The following GPBAR1 variants were observed in gnomAD, a reference collection of about 807,000 sequenced individuals.
GPBAR1 encodes the protein G protein-coupled bile acid receptor 1, also known as G-protein coupled bile acid receptor 1.
Under a neutral mutation model 13.0 loss-of-function variants are expected in GPBAR1, and 13 were observed. That is an observed-to-expected ratio of 1.00 (90% confidence interval 0.65 to 1.59). The LOEUF is 1.59. Among genes scored for constraint, GPBAR1 ranks in the 40% most tolerant of loss-of-function variants. GPBAR1 has a pLI of 0.00. For synonymous variants in GPBAR1, 193 were observed against 205.2 expected (o/e 0.94, Z 0.51); for missense variants, 398 against 436.4 (o/e 0.91, Z 0.78).
Position 218,263,211 on chromosome 2 carries a change from G to GC in GPBAR1, c.492dup (p.Tyr165LeufsTer46), listed in dbSNP as rs1289690781. 1 of 1,608,846 alleles carries GC rather than the reference G, an allele frequency of 6.2e-7. No individual in the cohort carries two copies. The highest frequency in any genetic ancestry group is 8.5e-7 in the Non-Finnish European group (1 of 1,179,836). ...CTGCAGCTCCCAGGCTATCTTCCCA[G>GC]CCCCCTACCTGTACCTCGAAGTCTA... is the stretch of plus-strand genomic sequence containing the variant. On this transcript the variant is annotated frameshift_variant, in exon 2 of 2. Coordinates refer to ENST00000519574, the MANE Select transcript of GPBAR1 (RefSeq NM_170699.3). LOFTEE classifies it high-confidence loss of function. The surrounding 1 kb of genome is among the most constrained non-coding windows in gnomAD (Gnocchi z 4.2).
At chr2:218,259,869 C>T (rs1195459509), upstream of GPBAR1, 1 of 152,292 alleles carries the variant, frequency 6.6e-6, no homozygotes, top group Non-Finnish European at 1.5e-5. Context: ...TCTCCTCCCC[C>T]TCACTCCAAA....
Position 218,263,714 on chromosome 2 carries a change from C to T in GPBAR1, c.990C>T (p.Asn330=). ...AAAGCAGTGTCGACCTGGACTTGAA[C>T]TAAAGGAAGGGCCTCTGCTGACTCC... ...SSQSSVDLDL[N] The change falls in exon 2 of 2, where the codon AAC becomes AAT. Residue 330 remains asparagine (N), a synonymous_variant. Transcript: ENST00000519574. This position sits in a 1 kb window ranked among gnomAD's most constrained non-coding sequence, Gnocchi z 4.2. 1 of 1,612,968 alleles carries T rather than the reference C, an allele frequency of 6.2e-7. No homozygotes were observed. Among genetic ancestry groups the T allele is most frequent in the Non-Finnish European group, 8.5e-7 (1 of 1,179,888 alleles).
rs200096596 is a variant in GPBAR1, at chr2:218,263,229, G to A, written c.505G>A (p.Glu169Lys). The change falls in exon 2 of 2, where the codon GAA becomes AAA. Residue 169 changes from glutamate (E) to lysine (K), a missense_variant. By Grantham distance (56) the Glu-to-Lys change is moderately conservative. Transcript: ENST00000519574. The surrounding 1 kb of genome is among the most constrained non-coding windows in gnomAD (Gnocchi z 4.2). ...CTTCCCAGCCCCCTACCTGTACCTC[G>A]AAGTCTATGGGCTCCTGCTGCCCGC... ...AIFPAPYLYL[E>K]VYGLLLPAVG... The A allele has an allele frequency of 5.7e-4, 917 of 1,608,126 alleles. 12 individuals carry two copies. In the South Asian group the frequency reaches 9.3e-3, roughly 16 times the overall value.
rs1238983352 is a variant in GPBAR1, at chr2:218,263,064, G to A, written c.340G>A (p.Val114Ile). 4 of 1,613,530 alleles carry A rather than the reference G, an allele frequency of 2.5e-6. No individual in the cohort carries two copies. The highest frequency in any genetic ancestry group is 1.3e-5 in the African/African-American group (1 of 74,886). The change falls in exon 2 of 2, where the codon GTC (valine) becomes ATC (isoleucine). Residue 114 changes from valine to isoleucine, a missense_variant. Transcript: ENST00000519574. This position sits in a 1 kb window ranked among gnomAD's most constrained non-coding sequence, Gnocchi z 4.2. ...GGTGCACGGGGAGCGCTACATGGCA[G>A]TCCTGAGGCCACTCCAGCCCCCTGG... ...LLVHGERYMA[V>I]LRPLQPPGSI...
Position 218,262,781 on chromosome 2 carries a change from G to A in GPBAR1, c.57G>A (p.Gly19=). Residue 19 remains glycine, a synonymous_variant, in exon 2 of 2, where the codon GGG becomes GGA. Transcript: ENST00000519574. The surrounding 1 kb of genome is among the most constrained non-coding windows in gnomAD (Gnocchi z 5.1). ...VPSPIPKGAL[G]LSLALASLII... is the part of the protein sequence containing the mutation. ...GCCCCATTCCCAAGGGGGCTTTGGG[G>A]CTCTCCCTGGCCCTGGCAAGCCTCA... is the stretch of plus-strand genomic sequence containing the variant. 1 of 1,610,862 alleles carries A rather than the reference G, an allele frequency of 6.2e-7. No homozygotes were observed. The highest frequency in any genetic ancestry group is 8.5e-7 in the Non-Finnish European group (1 of 1,178,528).
At position 218,262,371 on chromosome 2, in the gene GPBAR1, C is replaced by A; in HGVS notation, c.-45-309C>A. 1 of 250,620 alleles carries A rather than the reference C, an allele frequency of 4.0e-6. No homozygotes were observed. The highest frequency in any genetic ancestry group is 7.7e-6 in the Non-Finnish European group (1 of 129,508). 15.5% of individuals were successfully genotyped at this position (250,620 alleles called of 1,614,324 possible). ...AAACAAGAGACCTCAACACAGCTGC[C>A]CAGAAAAGGCAGATACCAGAAATGG... On this transcript the variant is annotated intron_variant, in intron 1 of 1. Transcript: ENST00000519574. This position sits in a 1 kb window ranked among gnomAD's most constrained non-coding sequence, Gnocchi z 5.1.
In GPBAR1 at chr2:218,262,586, AGCCTGCGGGTCTGC is replaced by A; in HGVS notation, c.-45-90_-45-77del. ...TATCAGCGAACATGATACAGCCCAC[AGCCTGCGGGTCTGC>A]GCCCCTGGATTAACATGCTGCCCTG... On this transcript the variant is annotated intron_variant, in intron 1 of 1. Coordinates refer to ENST00000519574, the MANE Select transcript of GPBAR1 (RefSeq NM_170699.3). The surrounding 1 kb of genome is among the most constrained non-coding windows in gnomAD (Gnocchi z 5.1). 1.2e-6 allele frequency: 1 copy of A among 815,528 alleles called. No homozygotes were observed. The allele number at this position is 815,528 out of a possible 1,614,324, so 50.5% of individuals were successfully genotyped here.
At chr2:218,260,400 C>T (rs764679624), upstream of GPBAR1, among the ~76,000 whole-genome samples, 4 of 152,158 alleles carry the variant, frequency 2.6e-5, no homozygotes, top group African/African-American at 4.8e-5. Context: ...GGGTATATGC[C>T]GCCATATGTG....
Position 218,262,620 on chromosome 2 carries a change from G to C in GPBAR1, c.-45-60G>C, listed in dbSNP as rs1302533109. 3 of 1,259,614 alleles carry C rather than the reference G, an allele frequency of 2.4e-6. No homozygotes were observed. The African/African-American group carries it at 4.5e-5, about 19-fold the overall frequency. 78.0% of individuals were successfully genotyped at this position (1,259,614 alleles called of 1,614,324 possible). Reference sequence around the variant, plus strand: ...GTCTGCGCCCCTGGATTAACATGCTGCCCTGCCAGGAGGACACGACCTGCA... The same window carrying C: ...GTCTGCGCCCCTGGATTAACATGCTCCCCTGCCAGGAGGACACGACCTGCA... On this transcript the variant is annotated intron_variant, in intron 1 of 1. Transcript: ENST00000519574. The surrounding 1 kb of genome is among the most constrained non-coding windows in gnomAD (Gnocchi z 5.1).
chr2:218,262,691 G>T lies in GPBAR1; in HGVS notation c.-34G>T, dbSNP rs1191720486. Reference sequence around the variant, plus strand: ...ACCCCATCCTGCAGGCATGCCGGCTGCCGCTCCAGGACTCCCCTGTCCCCA... The same window carrying T: ...ACCCCATCCTGCAGGCATGCCGGCTTCCGCTCCAGGACTCCCCTGTCCCCA... On this transcript the variant is annotated 5_prime_UTR_variant, in exon 2 of 2. Transcript: ENST00000519574. The surrounding 1 kb of genome is among the most constrained non-coding windows in gnomAD (Gnocchi z 5.1). The T allele has an allele frequency of 6.6e-7, 1 of 1,516,354 alleles. No individual in the cohort carries two copies. The highest frequency in any genetic ancestry group is 2.3e-5 in the East Asian group (1 of 42,914). 93.9% of individuals were successfully genotyped at this position (1,516,354 alleles called of 1,614,324 possible).
In GPBAR1 at chr2:218,262,736, C is replaced by A; in HGVS notation, c.12C>A (p.Asn4Lys). ...TCCCCAGGACCAAGATGACGCCCAA[C>A]AGCACTGGCGAGGTGCCCAGCCCCA... MTP[N>K]STGEVPSPIP... The change falls in exon 2 of 2, where the codon AAC (asparagine) becomes AAA (lysine). Residue 4 changes from asparagine to lysine, a missense_variant. Coordinates refer to ENST00000519574, the MANE Select transcript of GPBAR1 (RefSeq NM_170699.3). This position sits in a 1 kb window ranked among gnomAD's most constrained non-coding sequence, Gnocchi z 5.1. 2 of 1,591,376 alleles carry A rather than the reference C, an allele frequency of 1.3e-6. No homozygotes were observed. The highest frequency in any genetic ancestry group is 1.7e-6 in the Non-Finnish European group (2 of 1,167,072).
chr2:218,262,901 G>T lies in GPBAR1; in HGVS notation c.177G>T (p.Leu59=), dbSNP rs1248955452. ...GCTGCTTCTTCCTGAGCCTACTGCT[G>T]GCTGGGCTGCTCACGGGTCTGGCAT... The part of the protein sequence containing the change: ...PAGCFFLSLL[L]AGLLTGLALP... Residue 59 remains leucine, a synonymous_variant, in exon 2 of 2, where the codon CTG becomes CTT. Coordinates refer to ENST00000519574, the MANE Select transcript of GPBAR1 (RefSeq NM_170699.3). This position sits in a 1 kb window ranked among gnomAD's most constrained non-coding sequence, Gnocchi z 5.1. The T allele has an allele frequency of 6.2e-7, 1 of 1,613,578 alleles. No individual in the cohort carries two copies. Among genetic ancestry groups the T allele is most frequent in the Non-Finnish European group, 8.5e-7 (1 of 1,179,782 alleles).
At chr2:218,259,714 A>G (rs966115414), upstream of GPBAR1, 1 of 152,228 alleles carries the variant, frequency 6.6e-6, no homozygotes, top group African/African-American at 2.4e-5. Context: ...TCTCCCGGAG[A>G]GCACCAGAGT....
chr2:218,263,511 T>C lies in GPBAR1; in HGVS notation c.787T>C (p.Leu263=), dbSNP rs1690520751. ...QRPPLGPGTL[L]SLLSLGSASA... ...CCCGCCACTGGGGCCTGGGACACTG[T>C]TGTCCCTCCTCTCCCTAGGAAGTGC... Residue 263 remains leucine, a synonymous_variant, in exon 2 of 2, where the codon TTG becomes CTG. Coordinates refer to ENST00000519574, the MANE Select transcript of GPBAR1 (RefSeq NM_170699.3). The surrounding 1 kb of genome is among the most constrained non-coding windows in gnomAD (Gnocchi z 4.2). The C allele has an allele frequency of 6.2e-7, 1 of 1,611,608 alleles. No individual in the cohort carries two copies. The highest frequency in any genetic ancestry group is 1.3e-5 in the African/African-American group (1 of 74,884).
chr2:218,261,514 G>T (rs1000442478), intron 1 of GPBAR1, among the ~76,000 whole-genome samples: 2 of 152,198 alleles, frequency 1.3e-5, no homozygotes, highest in East Asian at 1.9e-4. Context: ...AAACTGCAAG[G>T]CCTCTAGAGA....
rs1472226298 is a variant in GPBAR1, at chr2:218,263,592, C to T, written c.868C>T (p.Pro290Ser). The change falls in exon 2 of 2, where the codon CCC (proline) becomes TCC (serine). Residue 290 changes from proline (P) to serine (S), a missense_variant. Pro to Ser is a moderately conservative substitution (Grantham distance 74). Transcript: ENST00000519574. The surrounding 1 kb of genome is among the most constrained non-coding windows in gnomAD (Gnocchi z 4.2). Reference sequence around the variant, plus strand: ...GCTGGGCGATCAGCGCTACACAGCCCCCTGGAGGGCAGCCGCCCAAAGGTG... The same window carrying T: ...GCTGGGCGATCAGCGCTACACAGCCTCCTGGAGGGCAGCCGCCCAAAGGTG... ...MGLGDQRYTA[P>S]WRAAAQRCLQ... 2 of 1,612,650 alleles carry T rather than the reference C, an allele frequency of 1.2e-6. No homozygotes were observed. The highest frequency in any genetic ancestry group is 2.2e-5 in the East Asian group (1 of 44,888).
Position 218,262,856 on chromosome 2 carries a change from C to T in GPBAR1, c.132C>T (p.Arg44=), listed in dbSNP as rs1690468428. 2 of 1,613,752 alleles carry T rather than the reference C, an allele frequency of 1.2e-6. No individual in the cohort carries two copies. Among genetic ancestry groups the T allele is most frequent in the Non-Finnish European group, 8.5e-7 (1 of 1,179,842 alleles). The change falls in exon 2 of 2, where the codon CGC becomes CGT. Residue 44 remains arginine (R), a synonymous_variant. Coordinates refer to ENST00000519574, the MANE Select transcript of GPBAR1 (RefSeq NM_170699.3). The surrounding 1 kb of genome is among the most constrained non-coding windows in gnomAD (Gnocchi z 5.1). Reference sequence around the variant, plus strand: ...CCCTGGGCATCGCCTGGGACCGCCGCCTGCGCAGCCCACCTGCTGGCTGCT... The same window carrying T: ...CCCTGGGCATCGCCTGGGACCGCCGTCTGCGCAGCCCACCTGCTGGCTGCT... ...LLALGIAWDR[R]LRSPPAGCFF... is the part of the protein sequence containing the mutation.
In GPBAR1 at chr2:218,263,506, C is replaced by T; in HGVS notation, c.782C>T (p.Thr261Ile). The T allele has an allele frequency of 1.2e-6, 2 of 1,611,530 alleles. No individual in the cohort carries two copies. The highest frequency in any genetic ancestry group is 8.5e-7 in the Non-Finnish European group (1 of 1,179,364). ...CAGCGCCCGCCACTGGGGCCTGGGA[C>T]ACTGTTGTCCCTCCTCTCCCTAGGA... The part of the protein sequence containing the change: ...YEQRPPLGPG[T>I]LLSLLSLGSA... Residue 261 changes from threonine to isoleucine, a missense_variant, in exon 2 of 2, where the codon ACA (threonine) becomes ATA (isoleucine). Transcript: ENST00000519574. The surrounding 1 kb of genome is among the most constrained non-coding windows in gnomAD (Gnocchi z 4.2).
chr2:218,262,404 T>C lies in GPBAR1; in HGVS notation c.-45-276T>C, dbSNP rs1690448140. 3.1e-6 allele frequency: 1 copy of C among 319,812 alleles called. No individual in the cohort carries two copies. The highest frequency in any genetic ancestry group is 5.8e-6 in the Non-Finnish European group (1 of 173,338). 19.8% of individuals were successfully genotyped at this position (319,812 alleles called of 1,614,324 possible). A position where few individuals can be genotyped will look rare whatever the true frequency, so the allele number is the denominator to read the frequency against. On this transcript the variant is annotated intron_variant, in intron 1 of 1. Coordinates refer to ENST00000519574, the MANE Select transcript of GPBAR1 (RefSeq NM_170699.3). The surrounding 1 kb of genome is among the most constrained non-coding windows in gnomAD (Gnocchi z 5.1). ...GGCAGATACCAGAAATGGATAAAGC[T>C]GGCTGGGTGGGGACTGTCCGAAGGG...
Sources: allele counts gnomAD v4.1 joint callset (sites outside exome capture counted in the v4.1 genomes callset), GRCh38; gene constraint gnomAD v4.1.1; non-coding constraint Gnocchi (gnomAD v3.1); transcripts MANE v1.5; gene names NCBI Gene and HGNC (gene_info 2026-07-23, HGNC 2026-07-21).